Variants in DSCAM observed in about 807,000 individuals in gnomAD.
The protein encoded by DSCAM is DS cell adhesion molecule, also known as cell adhesion molecule DSCAM.
In DSCAM, 47 loss-of-function variants were observed where a neutral mutation model predicts 217.7. The ratio of observed to expected loss-of-function variants is 0.22; its 90% CI spans 0.17 to 0.28. The LOEUF (loss-of-function observed/expected upper bound fraction) is 0.28, where lower values mean the gene tolerates loss of function less well. Among genes scored for constraint, DSCAM ranks in the 10% least tolerant of loss-of-function variants. The pLI is 1.00. For synonymous variants in DSCAM, 1,056 were observed against 1,015.3 expected (o/e 1.04, Z -0.76); for missense variants, 2,080 against 2,618.3 (o/e 0.79, Z 4.49).
intron 8 of DSCAM, among the ~76,000 whole-genome samples, chr21:40,318,781 C>T (rs1291211370): frequency 2.0e-5 from 3 of 152,166 alleles, no homozygotes; most frequent in Non-Finnish European, 2.9e-5. Context: ...CCAGAGGCTG[C>T]GTGGGTCACA....
intron 11 of DSCAM, among the ~76,000 whole-genome samples, chr21:40,208,085 A>G (rs1194836453): frequency 6.6e-6 from 1 of 152,216 alleles, no homozygotes; most frequent in Non-Finnish European, 1.5e-5. Flanking sequence ...TACATTATCA[A>G]TGGAATAAAA....
intron 27 of DSCAM, among the ~76,000 whole-genome samples, chr21:40,073,679 C>A (rs2089326574): frequency 6.6e-6 from 1 of 152,144 alleles, no homozygotes; most frequent in Non-Finnish European, 1.5e-5. Flanking sequence ...TTCTTTGAAG[C>A]CCTATTTCTG....
At chr21:40,590,705 C>G (rs910859559) in intron 3 of DSCAM, among the ~76,000 whole-genome samples, 4 of 152,074 alleles carry the variant, frequency 2.6e-5, no homozygotes, top group African/African-American at 9.7e-5. Flanking sequence ...TTGGGTCTCC[C>G]TTTTGTAACT....
chr21:40,457,089 A>C (rs1221951108), intron 3 of DSCAM, among the ~76,000 whole-genome samples: 1 of 152,200 alleles, frequency 6.6e-6, no homozygotes, highest in Non-Finnish European at 1.5e-5. Flanking sequence ...TGATAAATCA[A>C]TTAATCAAGA....
Position 40,353,682 on chromosome 21 carries a change from C to G in DSCAM, c.717G>C (p.Gly239=). 6.2e-7 allele frequency: 1 copy of G among 1,607,802 alleles called. No homozygotes were observed. Among genetic ancestry groups the G allele is most frequent in the Non-Finnish European group, 8.5e-7 (1 of 1,178,356 alleles). The change falls in exon 5 of 33, where the codon GGG becomes GGC. Residue 239 remains glycine (G), a synonymous_variant. Transcript: ENST00000400454. The stretch of plus-strand genomic sequence containing the variant: ...CTTTGCAAGGCAGCTCCACACGCTG[C>G]CCAGCCATGGCTTTGCGATGGTCAA... ...DGFDHRKAMA[G]QRVELPCKAL...
intron 17 of DSCAM, 120 bp from the exon 18 acceptor site, chr21:40,142,824 A>G (rs1213489998): frequency 1.8e-6 from 2 of 1,120,744 alleles, no homozygotes; most frequent in Admixed American, 2.3e-5. Flanking sequence ...CTCAACCCCA[A>G]AATGAAAGAA....
chr21:40,572,351 T>C (rs2076814791), intron 3 of DSCAM, among the ~76,000 whole-genome samples: 1 of 152,112 alleles, frequency 6.6e-6, no homozygotes, highest in African/African-American at 2.4e-5. Flanking sequence ...ATTTAAAAAG[T>C]TAATTGCTGG....
intron 3 of DSCAM, among the ~76,000 whole-genome samples, chr21:40,609,881 C>T (rs1368554880): frequency 1.3e-5 from 2 of 152,198 alleles, no homozygotes; most frequent in South Asian, 2.1e-4. Context: ...ATCACGGCTG[C>T]CTCAAGCTCT....
chr21:40,609,325 T>C (rs2089282885), intron 3 of DSCAM, among the ~76,000 whole-genome samples: 2 of 152,210 alleles, frequency 1.3e-5, no homozygotes, highest in African/African-American at 4.8e-5. Flanking sequence ...AGTGAAACTA[T>C]GCACATCATA....
At chr21:40,610,245 C>T (rs2089295028) in intron 3 of DSCAM, among the ~76,000 whole-genome samples, 1 of 152,244 alleles carries the variant, frequency 6.6e-6, no homozygotes, top group Non-Finnish European at 1.5e-5. Flanking sequence ...TGCAGACCAT[C>T]TGCTGCCCTG....
intron 3 of DSCAM, among the ~76,000 whole-genome samples, chr21:40,505,913 C>G (rs2076206639): frequency 6.6e-6 from 1 of 152,192 alleles, no homozygotes; most frequent in Non-Finnish European, 1.5e-5. Context: ...TGTGTGTCTA[C>G]AGGAGACAAG....
intron 3 of DSCAM, among the ~76,000 whole-genome samples, chr21:40,385,897 C>T (rs1287766472): frequency 2.6e-5 from 4 of 152,016 alleles, no homozygotes; most frequent in East Asian, 3.8e-4. Flanking sequence ...GAGGATAAAC[C>T]GATTCACAGC....
At chr21:40,842,509 C>G (rs2092111386) in intron 1 of DSCAM, among the ~76,000 whole-genome samples, 1 of 152,056 alleles carries the variant, frequency 6.6e-6, no homozygotes, top group Non-Finnish European at 1.5e-5. Flanking sequence ...CTTGATAAAC[C>G]CATCCTTTTA....
intron 3 of DSCAM, among the ~76,000 whole-genome samples, chr21:40,462,671 C>T (rs941560987): frequency 7.2e-5 from 11 of 152,148 alleles, no homozygotes; most frequent in Non-Finnish European, 1.5e-4. Flanking sequence ...ATTGAAACCA[C>T]TCAGGGCCAA....
chr21:40,657,970 A>C, intron 3 of DSCAM, among the ~76,000 whole-genome samples: 1 of 152,234 alleles, frequency 6.6e-6, no homozygotes, highest in East Asian at 1.9e-4. Context: ...TCTCCAATTC[A>C]GAAATGCTAC....
chr21:40,590,369 C>A (rs1010384506), intron 3 of DSCAM, among the ~76,000 whole-genome samples: 4 of 152,312 alleles, frequency 2.6e-5, no homozygotes, highest in African/African-American at 9.6e-5. Context: ...GCCATGGAGC[C>A]CCTGCAGGGG....
At chr21:40,656,094 A>G (rs2090072446) in intron 3 of DSCAM, among the ~76,000 whole-genome samples, 1 of 152,178 alleles carries the variant, frequency 6.6e-6, no homozygotes, top group East Asian at 1.9e-4. Context: ...CCATGGAAGC[A>G]GAGTGCTCAT....
chr21:40,654,948 G>A (rs961411071), intron 3 of DSCAM, among the ~76,000 whole-genome samples: 6 of 152,116 alleles, frequency 3.9e-5, no homozygotes, highest in Non-Finnish European at 7.3e-5. Flanking sequence ...TTTCCACCAG[G>A]GGTTAAGGAT....
chr21:40,347,402 T>C (rs1825463745), intron 6 of DSCAM, among the ~76,000 whole-genome samples: 1 of 152,200 alleles, frequency 6.6e-6, no homozygotes, highest in Admixed American at 6.5e-5. Context: ...TCTTCTAAGA[T>C]TTAAACCCTG....
Sources: allele counts gnomAD v4.1 joint callset (sites outside exome capture counted in the v4.1 genomes callset), GRCh38; gene constraint gnomAD v4.1.1; transcripts MANE v1.5; gene names NCBI Gene and HGNC (gene_info 2026-07-23, HGNC 2026-07-21).